Variants in ROBO2 observed in about 807,000 individuals in gnomAD.
ROBO2 encodes roundabout guidance receptor 2.
Under a neutral mutation model 160.8 loss-of-function variants are expected in ROBO2, and 53 were observed. The ratio of observed to expected loss-of-function variants is 0.33; its 90% CI spans 0.26 to 0.41. The LOEUF (loss-of-function observed/expected upper bound fraction) is 0.41, where lower values mean the gene tolerates loss of function less well. Among genes scored for constraint, ROBO2 ranks in the 10% least tolerant of loss-of-function variants. ROBO2 has a pLI of 1.00. For synonymous variants in ROBO2, 664 were observed against 611.7 expected, an observed-to-expected ratio of 1.09 and a Z score of -1.26; for missense variants, 1,577 against 1,722.4, an observed-to-expected ratio of 0.92 and a Z score of 1.49.
intron 2 of ROBO2, among the ~76,000 whole-genome samples, chr3:77,346,485 G>T (rs978158525): frequency 1.3e-5 from 2 of 151,542 alleles, no homozygotes; most frequent in Non-Finnish European, 2.9e-5. Context: ...CTATCACTGT[G>T]TAACTTGCTG....
At chr3:76,202,257 A>G (rs144320725) in intron 2 of ROBO2, among the ~76,000 whole-genome samples, 69 of 152,332 alleles carry the variant, frequency 4.5e-4, no homozygotes, top group African/African-American at 1.6e-3. Context: ...GAAAAGAGAA[A>G]AAGAGAGGAG....
At chr3:77,277,430 T>C (rs1449175447) in intron 2 of ROBO2, among the ~76,000 whole-genome samples, 1 of 152,018 alleles carries the variant, frequency 6.6e-6, no homozygotes, top group Non-Finnish European at 1.5e-5. Context: ...TCATTAGCTA[T>C]TCTTCCAGAT....
intron 2 of ROBO2, among the ~76,000 whole-genome samples, chr3:76,755,958 G>T (rs554233062): frequency 4.6e-5 from 7 of 151,758 alleles, no homozygotes; most frequent in Non-Finnish European, 1.0e-4. Context: ...GGTATGAGAA[G>T]TAAAAAAGCT....
intron 2 of ROBO2, among the ~76,000 whole-genome samples, chr3:76,855,711 T>G (rs2069983960): frequency 6.6e-6 from 1 of 152,250 alleles, no homozygotes; most frequent in Non-Finnish European, 1.5e-5. Context: ...TGCAGTAGTT[T>G]GACATTTTTA....
intron 2 of ROBO2, among the ~76,000 whole-genome samples, chr3:76,842,286 G>C (rs1175747674): frequency 6.6e-6 from 1 of 152,132 alleles, no homozygotes; most frequent in African/African-American, 2.4e-5. Context: ...CTGCAGTCAG[G>C]GTATTGGCTG....
chr3:76,414,026 C>T (rs1157966082), intron 2 of ROBO2, among the ~76,000 whole-genome samples: 1 of 152,122 alleles, frequency 6.6e-6, no homozygotes, highest in Non-Finnish European at 1.5e-5. Context: ...TACCTGGTGG[C>T]AGCAAGAGAA....
chr3:76,307,741 C>A (rs745355155), intron 2 of ROBO2, among the ~76,000 whole-genome samples: 4 of 152,104 alleles, frequency 2.6e-5, no homozygotes, highest in Admixed American at 6.5e-5. Context: ...GCTGGGTAAT[C>A]ACGATGTGAC....
chr3:77,476,805 C>A (rs774225774), intron 2 of ROBO2, among the ~76,000 whole-genome samples: 1 of 152,130 alleles, frequency 6.6e-6, no homozygotes, highest in Non-Finnish European at 1.5e-5. Context: ...CTGAATGTCA[C>A]ACTGCCCAGA....
intron 2 of ROBO2, among the ~76,000 whole-genome samples, chr3:76,417,466 T>C (rs1441230660): frequency 3.3e-5 from 5 of 152,178 alleles, no homozygotes; most frequent in Non-Finnish European, 7.3e-5. Flanking sequence ...GTTACAGAGT[T>C]AAAAGGAGAA....
At chr3:76,979,101 C>T (rs2059959774) in intron 2 of ROBO2, among the ~76,000 whole-genome samples, 2 of 152,126 alleles carry the variant, frequency 1.3e-5, no homozygotes, top group South Asian at 4.2e-4. Context: ...CAGCACCACA[C>T]CTGGATATTT....
chr3:77,038,969 C>T (rs571314721), upstream of ROBO2, among the ~76,000 whole-genome samples: 14 of 152,290 alleles, frequency 9.2e-5, no homozygotes, highest in South Asian at 2.3e-3. Context: ...GGATCCCCCT[C>T]CCCCAAGCTC....
At chr3:76,731,039 C>G (rs181000423) in intron 2 of ROBO2, among the ~76,000 whole-genome samples, 1 of 151,218 alleles carries the variant, frequency 6.6e-6, no homozygotes, top group Non-Finnish European at 1.5e-5. Flanking sequence ...TCCCTACCCG[C>G]TTTTCTTCAC....
exon 26 of ROBO2, chr3:77,646,862 T>A (rs1244235379): frequency 6.6e-6 from 1 of 152,546 alleles, no homozygotes; most frequent in Non-Finnish European, 1.5e-5. Flanking sequence ...TTATTTAGAA[T>A]CAATTTTACC....
At chr3:76,258,157 T>C (rs1706521844) in intron 2 of ROBO2, among the ~76,000 whole-genome samples, 1 of 152,042 alleles carries the variant, frequency 6.6e-6, no homozygotes, top group African/African-American at 2.4e-5. Flanking sequence ...CTAAACACTT[T>C]TTTTTTCCAA....
intron 2 of ROBO2, among the ~76,000 whole-genome samples, chr3:77,471,822 T>G (rs2153580483): frequency 6.6e-6 from 1 of 152,264 alleles, no homozygotes; most frequent in East Asian, 1.9e-4. Context: ...GTGATTTTTT[T>G]GAGGAGATGA....
chr3:76,930,382 T>C (rs2077260287), intron 2 of ROBO2, among the ~76,000 whole-genome samples: 1 of 152,130 alleles, frequency 6.6e-6, no homozygotes, highest in South Asian at 2.1e-4. Flanking sequence ...TCCTCAAATG[T>C]CATGGGTGAA....
intron 2 of ROBO2, among the ~76,000 whole-genome samples, chr3:76,087,713 G>A (rs1405013730): frequency 2.0e-5 from 3 of 151,924 alleles, no homozygotes; most frequent in Non-Finnish European, 4.4e-5. Context: ...TCATATATAT[G>A]GCTAAGTGTA....
chr3:77,535,539 T>C (rs2092037006), intron 6 of ROBO2, among the ~76,000 whole-genome samples: 1 of 152,186 alleles, frequency 6.6e-6, no homozygotes, highest in Non-Finnish European at 1.5e-5. Flanking sequence ...AAAAATGAGA[T>C]CATTTCTTTA....
At chr3:77,150,631 G>A (rs542059001) in intron 2 of ROBO2, among the ~76,000 whole-genome samples, 1 of 151,856 alleles carries the variant, frequency 6.6e-6, no homozygotes, top group Non-Finnish European at 1.5e-5. Flanking sequence ...AAAAGTATCT[G>A]TAGATGGTCA....
Sources: allele counts gnomAD v4.1 joint callset (sites outside exome capture counted in the v4.1 genomes callset), GRCh38; gene constraint gnomAD v4.1.1; transcripts MANE v1.5; gene names NCBI Gene and HGNC (gene_info 2026-07-23, HGNC 2026-07-21).